Variants in BLTP3B observed in about 807,000 individuals in gnomAD.
The protein encoded by BLTP3B is UHRF1 (ICBP90) binding protein 1-like.
chr12:100,055,252 G>C, the BLTP3B span, among the ~76,000 whole-genome samples: 1 of 152,196 alleles, frequency 6.6e-6, no homozygotes, highest in Non-Finnish European at 1.5e-5. Context: ...TGGGCAAGCT[G>C]CTTACCTCCC....
the BLTP3B span, chr12:100,059,596 A>C: frequency 6.8e-7 from 1 of 1,476,366 alleles, no homozygotes; most frequent in African/African-American, 1.4e-5. Flanking sequence ...AAGATAAAAG[A>C]ACATGACTTA....
chr12:100,037,533 C>T, the BLTP3B span: 4 of 1,544,838 alleles, frequency 2.6e-6, no homozygotes, highest in Admixed American at 4.6e-5. Flanking sequence ...GTTTTATTGT[C>T]TTTTCATGAA....
chr12:100,052,887 G>A, the BLTP3B span, among the ~76,000 whole-genome samples: 9,366 of 147,538 alleles, frequency 0.063, 321 homozygotes, highest in Middle Eastern at 0.15. Flanking sequence ...TCCGCCTCCC[G>A]GGTTCAAGCG....
chr12:100,037,824 T>C, the BLTP3B span: 69 of 1,349,362 alleles, frequency 5.1e-5, no homozygotes, highest in African/African-American at 5.1e-4. Context: ...ATTTATATAG[T>C]ATCCAAAGGT....
the BLTP3B span, among the ~76,000 whole-genome samples, chr12:100,104,249 G>T: frequency 1.4e-5 from 2 of 138,618 alleles, no homozygotes; most frequent in East Asian, 4.2e-4. Context: ...CTGTTGCCCA[G>T]ACTGGAGTGC....
the BLTP3B span, chr12:100,048,281 C>T: frequency 7.2e-7 from 1 of 1,386,262 alleles, no homozygotes; most frequent in South Asian, 1.6e-5. Context: ...TAAAATAATA[C>T]TAGTTTTACT....
the BLTP3B span, among the ~76,000 whole-genome samples, chr12:100,095,298 T>C: frequency 6.6e-6 from 1 of 152,238 alleles, no homozygotes; most frequent in East Asian, 1.9e-4. Flanking sequence ...TGGCTTTGAT[T>C]CTCTGCACAG....
At chr12:100,129,404 C>T in the BLTP3B span, among the ~76,000 whole-genome samples, 12 of 152,256 alleles carry the variant, frequency 7.9e-5, no homozygotes, top group South Asian at 2.1e-3. Flanking sequence ...CAAAGTAGTA[C>T]AAATTTATTT....
chr12:100,065,922 C>T, the BLTP3B span, among the ~76,000 whole-genome samples: 1 of 152,172 alleles, frequency 6.6e-6, no homozygotes, highest in Non-Finnish European at 1.5e-5. Context: ...TTAATAAAAA[C>T]CTGCTGGTTT....
the BLTP3B span, chr12:100,047,805 T>A: frequency 8.7e-7 from 1 of 1,149,988 alleles, no homozygotes; most frequent in South Asian, 1.7e-5. Context: ...GATCTCTACA[T>A]CATTTACCAA....
At chr12:100,047,682 CA>C in the BLTP3B span, 4 of 1,395,442 alleles carry the variant, frequency 2.9e-6, no homozygotes, top group Non-Finnish European at 3.0e-6. Context: ...TTCATTCGGT[CA>C]TATTTTTAAT....
the BLTP3B span, among the ~76,000 whole-genome samples, chr12:100,130,217 C>T: frequency 6.6e-6 from 1 of 152,188 alleles, no homozygotes; most frequent in Non-Finnish European, 1.5e-5. Context: ...GCCTTGGCCT[C>T]CCAAAGTGCT....
chr12:100,059,485 G>A, the BLTP3B span: 48 of 1,609,306 alleles, frequency 3.0e-5, no homozygotes, highest in East Asian at 2.0e-4. Flanking sequence ...GAAATTGCAC[G>A]TGGCTGATCT....
chr12:100,095,721 T>C, the BLTP3B span: 1 of 1,613,626 alleles, frequency 6.2e-7, no homozygotes, highest in East Asian at 2.2e-5. Context: ...TTTCTATTGC[T>C]TCACTAAGAG....
the BLTP3B span, chr12:100,084,784 G>C: frequency 1.1e-6 from 1 of 939,312 alleles, no homozygotes; most frequent in South Asian, 1.9e-5. Context: ...AAAATTTACA[G>C]GCTTCACCTA....
chr12:100,094,628 G>A, the BLTP3B span, among the ~76,000 whole-genome samples: 39 of 152,306 alleles, frequency 2.6e-4, no homozygotes, highest in East Asian at 3.9e-4. Context: ...AGGCCAAGGC[G>A]GGCAGATCAC....
chr12:100,051,090 G>A, the BLTP3B span: 4 of 1,613,626 alleles, frequency 2.5e-6, no homozygotes, highest in African/African-American at 5.3e-5. Flanking sequence ...AGGTCATCAT[G>A]ATTTTCCTGA....
At chr12:100,119,712 C>T in the BLTP3B span, among the ~76,000 whole-genome samples, 1 of 151,770 alleles carries the variant, frequency 6.6e-6, no homozygotes, top group Non-Finnish European at 1.5e-5. Context: ...GAAGTGGTAC[C>T]AGAATGATGT....
At chr12:100,090,867 T>C in the BLTP3B span, among the ~76,000 whole-genome samples, 1 of 152,182 alleles carries the variant, frequency 6.6e-6, no homozygotes, top group Non-Finnish European at 1.5e-5. Context: ...TCTTTCATTA[T>C]GTTTTCTCTC....
Sources: allele counts gnomAD v4.1 joint callset (sites outside exome capture counted in the v4.1 genomes callset), GRCh38; gene constraint gnomAD v4.1.1; transcripts MANE v1.5; gene names NCBI Gene and HGNC (gene_info 2026-07-23, HGNC 2026-07-21).